SEC24B: variants seen among roughly 807,000 people sequenced by gnomAD.
SEC24B encodes the protein SEC24 homolog B, COPII component.
Under a neutral mutation model 142.8 loss-of-function variants are expected in SEC24B, and 45 were observed. The ratio of observed to expected loss-of-function variants is 0.32; its 90% CI spans 0.25 to 0.40. The LOEUF (loss-of-function observed/expected upper bound fraction) is 0.40. Among genes scored for constraint, SEC24B ranks in the 10% least tolerant of loss-of-function variants. The probability of loss-of-function intolerance (pLI) is 1.00; values close to 1 mark genes in which losing one functional copy is unlikely to be tolerated. For synonymous variants in SEC24B, 574 were observed against 568.2 expected (o/e 1.01, Z -0.15); for missense variants, 1,409 against 1,526.8 (o/e 0.92, Z 1.29).
chr4:109,503,286 C>T (rs1304621262), intron 6 of SEC24B, among the ~76,000 whole-genome samples: 1 of 150,544 alleles, frequency 6.6e-6, no homozygotes. Flanking sequence ...TGCAATGGCT[C>T]GATCTCGGCT....
chr4:109,490,323 G>A (rs1484955919), intron 4 of SEC24B, among the ~76,000 whole-genome samples: 2 of 151,974 alleles, frequency 1.3e-5, no homozygotes, highest in African/African-American at 4.8e-5. Flanking sequence ...TGATTCTCAT[G>A]TTCATCTAAA....
At position 109,500,253 on chromosome 4, in the gene SEC24B, G is replaced by A. The variant is rs778876285; in HGVS notation, c.1488+5397G>A. Among the ~76,000 whole-genome samples the A allele has an allele frequency of 1.4e-3, 212 of 152,246 alleles. 1 individual carries two copies. Among genetic ancestry groups the A allele is most frequent in the Non-Finnish European group, 2.2e-3 (147 of 68,000 alleles). The stretch of plus-strand genomic sequence containing the variant: ...GTCATTGCGGTTCTTGCCATTGAAA[G>A]TAGTGACAGGCCAGGCGCATTGGCT... On this transcript the variant is annotated intron_variant, in intron 6 of 23. Coordinates refer to ENST00000265175, the MANE Select transcript of SEC24B (RefSeq NM_006323.5).
chr4:109,514,032 G>A (rs1484120706), intron 10 of SEC24B, among the ~76,000 whole-genome samples, 176 bp downstream of exon 10: 2 of 152,066 alleles, frequency 1.3e-5, no homozygotes, highest in Non-Finnish European at 1.5e-5. Flanking sequence ...AAGGTTATTC[G>A]ATCTCCTAGA....
rs1726041029 is a variant in SEC24B, at chr4:109,540,232, C to A, written c.*557C>A. The A allele has an allele frequency of 6.6e-6, 1 of 152,606 alleles. No homozygotes were observed. Among genetic ancestry groups the A allele is most frequent in the African/African-American group, 2.4e-5 (1 of 41,448 alleles). 9.5% of individuals were successfully genotyped at this position (152,606 alleles called of 1,614,324 possible). On this transcript the variant is annotated 3_prime_UTR_variant, in exon 24 of 24. Transcript: ENST00000265175. ...CTATATATAATGTACATAAATGTTACATTTGTAAAGAAAATGTAAAAATGT... is the reference window on the plus strand; with the variant it reads ...CTATATATAATGTACATAAATGTTAAATTTGTAAAGAAAATGTAAAAATGT...
At chr4:109,514,965 T>C (rs1490557376) in intron 10 of SEC24B, among the ~76,000 whole-genome samples, 2 of 152,208 alleles carry the variant, frequency 1.3e-5, no homozygotes, top group African/African-American at 4.8e-5. Context: ...AGCCCTACCT[T>C]CTTTATGATT....
At chr4:109,458,379 C>T (rs1730915550) in intron 1 of SEC24B, among the ~76,000 whole-genome samples, 1 of 151,998 alleles carries the variant, frequency 6.6e-6, no homozygotes. Flanking sequence ...GCTTCTGGGC[C>T]CACTTTGATT....
chr4:109,453,853 C>A (rs781239640), intron 1 of SEC24B, among the ~76,000 whole-genome samples: 1 of 152,118 alleles, frequency 6.6e-6, no homozygotes, highest in East Asian at 1.9e-4. Flanking sequence ...TCCTGCCGTT[C>A]GGTATCCCTG....
At position 109,447,978 on chromosome 4, in the gene SEC24B, C is replaced by G. The variant is rs114444936; in HGVS notation, c.133+13976C>G. On this transcript the variant is annotated intron_variant, in intron 1 of 23. Coordinates refer to ENST00000265175, the MANE Select transcript of SEC24B (RefSeq NM_006323.5). Reference sequence around the variant, plus strand: ...GTCCATGGCCCACTTTCTCCATGTTCAAAGCCAGCAACATTGCATCTGTCT... The same window carrying G: ...GTCCATGGCCCACTTTCTCCATGTTGAAAGCCAGCAACATTGCATCTGTCT... 3.5e-3 allele frequency among the ~76,000 whole-genome samples: 528 copies of G among 152,286 alleles called. 4 individuals carry two copies. Among genetic ancestry groups the G allele is most frequent in the African/African-American group, 0.012 (501 of 41,556 alleles).
chr4:109,493,083 T>C (rs900261891), intron 5 of SEC24B, among the ~76,000 whole-genome samples: 12 of 152,112 alleles, frequency 7.9e-5, no homozygotes, highest in Admixed American at 3.3e-4. Context: ...TCTGCCTATG[T>C]TTCCATCACC....
intron 6 of SEC24B, among the ~76,000 whole-genome samples, chr4:109,500,166 GTACAATGGGTGTTT>G (rs1259695987): frequency 6.6e-6 from 1 of 152,184 alleles, no homozygotes; most frequent in African/African-American, 2.4e-5. Flanking sequence ...TTGTACAGCT[GTACAATGGGTGTTT>G]TACACTGTTT....
At chr4:109,480,419 C>T (rs1050665103) in intron 3 of SEC24B, among the ~76,000 whole-genome samples, 2 of 152,050 alleles carry the variant, frequency 1.3e-5, no homozygotes, top group African/African-American at 4.8e-5. Context: ...AAAGTAGAGC[C>T]ATGAGATTTT....
intron 6 of SEC24B, among the ~76,000 whole-genome samples, chr4:109,498,436 C>T (rs1298174193): frequency 2.6e-5 from 4 of 152,198 alleles, no homozygotes; most frequent in Non-Finnish European, 5.9e-5. Flanking sequence ...CGGCTCGCGG[C>T]TCACTGCCTC....
chr4:109,449,396 C>CTTTT (rs74494967), intron 1 of SEC24B: 62 of 301,440 alleles, frequency 2.1e-4, no homozygotes, highest in South Asian at 2.9e-4. Context: ...GCTAATTTTT[C>CTTTT]TTTTTTTTTT....
intron 4 of SEC24B, among the ~76,000 whole-genome samples, chr4:109,486,045 G>GT (rs777527299): frequency 6.6e-5 from 10 of 152,270 alleles, no homozygotes; most frequent in African/African-American, 1.9e-4. Context: ...GTCTTGTTTT[G>GT]TTTTTTCCCC....
intron 1 of SEC24B, among the ~76,000 whole-genome samples, chr4:109,446,700 C>G (rs971351362): frequency 6.6e-6 from 1 of 152,060 alleles, no homozygotes; most frequent in Non-Finnish European, 1.5e-5. Context: ...GAAAAAAGAC[C>G]TGTTTTTGTA....
chr4:109,493,282 A>G (rs560815104), intron 5 of SEC24B, among the ~76,000 whole-genome samples: 40 of 79,472 alleles, frequency 5.0e-4, no homozygotes, highest in Admixed American at 6.7e-4. Flanking sequence ...ATTCTTCAAG[A>G]AAAAAAAAAA....
At chr4:109,477,069 G>A (rs1733239404) in intron 3 of SEC24B, among the ~76,000 whole-genome samples, 1 of 149,254 alleles carries the variant, frequency 6.7e-6, no homozygotes, top group South Asian at 2.1e-4. Flanking sequence ...CCCGGGAGGT[G>A]GAGCTTGCAG....
At chr4:109,495,450 G>C (rs1158359618) in intron 6 of SEC24B, among the ~76,000 whole-genome samples, 7 of 152,152 alleles carry the variant, frequency 4.6e-5, no homozygotes, top group African/African-American at 1.7e-4. Context: ...GGAGTTTATG[G>C]GTGGAAGTTT....
At chr4:109,448,609 G>A (rs900730657) in intron 1 of SEC24B, among the ~76,000 whole-genome samples, 4 of 151,520 alleles carry the variant, frequency 2.6e-5, no homozygotes, top group Admixed American at 1.3e-4. Flanking sequence ...TAATTTTTGC[G>A]TTTTTGTATT....
Sources: gnomAD v4.1 joint callset for allele counts (sites outside exome capture counted in the v4.1 genomes callset) on GRCh38, gnomAD v4.1.1 for gene constraint, MANE v1.5 for transcripts, NCBI Gene and HGNC (gene_info 2026-07-23, HGNC 2026-07-21) for gene names.